CADPS2: variants seen among roughly 807,000 people sequenced by gnomAD.
CADPS2 encodes the protein calcium dependent secretion activator 2.
CADPS2 carries 93 observed loss-of-function variants against 172.5 expected under a neutral mutation model. The observed-to-expected ratio is 0.54, with a 90% CI of 0.46 to 0.64. CADPS2 has a LOEUF of 0.64. CADPS2 is among the 30% of genes least tolerant of loss of function. The pLI is 0.00. For missense variants in CADPS2, 1,420 were observed against 1,565.9 expected (o/e 0.91, Z 1.57); for synonymous variants, 546 against 555.2 (o/e 0.98, Z 0.23).
chr7:122,771,569 A>G (rs37903), intron 1 of CADPS2, among the ~76,000 whole-genome samples: 30,094 of 152,162 alleles, frequency 0.2, 3,714 homozygotes, highest in African/African-American at 0.35. Context: ...TAATTGAAAT[A>G]ATGTGCAATA....
At chr7:122,698,886 G>T (rs748492482) in intron 2 of CADPS2, 1 of 1,600,460 alleles carries the variant, frequency 6.2e-7, no homozygotes, top group Admixed American at 1.7e-5. Flanking sequence ...AGGCAGTGTT[G>T]TTTCTCCAAG....
chr7:122,505,408 T>C (rs1212918443), intron 9 of CADPS2, among the ~76,000 whole-genome samples: 2 of 152,192 alleles, frequency 1.3e-5, no homozygotes, highest in Non-Finnish European at 2.9e-5. Context: ...ATTTAACAAG[T>C]CTGAAGGTAC....
chr7:122,774,228 CTCT>C (rs1369894118), intron 1 of CADPS2, among the ~76,000 whole-genome samples: 1 of 150,686 alleles, frequency 6.6e-6, no homozygotes, highest in African/African-American at 2.4e-5. Flanking sequence ...TTATTCAAGT[CTCT>C]TCAACAACAA....
intron 25 of CADPS2, among the ~76,000 whole-genome samples, chr7:122,364,876 T>C (rs1585292480): frequency 1.3e-5 from 2 of 152,212 alleles, no homozygotes; most frequent in Admixed American, 6.5e-5. Flanking sequence ...TAACTGCACA[T>C]GACACAAGGC....
chr7:122,860,359 TG>T (rs1192557766), intron 1 of CADPS2, among the ~76,000 whole-genome samples: 4 of 152,132 alleles, frequency 2.6e-5, no homozygotes, highest in Non-Finnish European at 2.9e-5. Context: ...TCCAATTAGC[TG>T]GGTCTACAGG....
At chr7:122,374,684 G>GTA (rs1460827757) in intron 25 of CADPS2, among the ~76,000 whole-genome samples, 9 of 152,042 alleles carry the variant, frequency 5.9e-5, no homozygotes, top group Non-Finnish European at 1.2e-4. Context: ...GAGAAAACAT[G>GTA]GACACAGGGA....
chr7:122,843,320 A>T (rs1811092242), intron 1 of CADPS2, among the ~76,000 whole-genome samples: 1 of 152,212 alleles, frequency 6.6e-6, no homozygotes, highest in Non-Finnish European at 1.5e-5. Flanking sequence ...AGAAAGCTAC[A>T]GGACTTAATT....
At chr7:122,490,433 C>T (rs1047522656) in intron 10 of CADPS2, among the ~76,000 whole-genome samples, 152 bp from the exon 11 acceptor site, 3 of 152,000 alleles carry the variant, frequency 2.0e-5, no homozygotes, top group Non-Finnish European at 4.4e-5. Flanking sequence ...AATCCACAAT[C>T]AAAGATTTGA....
At chr7:122,334,693 G>A (rs1430616506) in intron 28 of CADPS2, among the ~76,000 whole-genome samples, 2 of 152,136 alleles carry the variant, frequency 1.3e-5, no homozygotes, top group Non-Finnish European at 2.9e-5. Flanking sequence ...ACTTGAAGCA[G>A]AGGGAGAAAT....
chr7:122,584,500 T>C (rs971429203), intron 6 of CADPS2, among the ~76,000 whole-genome samples: 8 of 151,984 alleles, frequency 5.3e-5, no homozygotes, highest in African/African-American at 1.9e-4. Flanking sequence ...ATCACTTTTA[T>C]TGTTCTTTTC....
chr7:122,631,302 T>C (rs1044096399), intron 3 of CADPS2, among the ~76,000 whole-genome samples: 1 of 152,162 alleles, frequency 6.6e-6, no homozygotes, highest in South Asian at 2.1e-4. Context: ...AAGGCCACAG[T>C]TTTTCAAACT....
chr7:122,704,460 A>G (rs891928048), intron 2 of CADPS2, among the ~76,000 whole-genome samples: 2 of 152,030 alleles, frequency 1.3e-5, no homozygotes, highest in African/African-American at 2.4e-5. Context: ...ATTAGAGGTA[A>G]TTTGTTAAAT....
At chr7:122,352,721 T>C (rs2038852982) in intron 27 of CADPS2, among the ~76,000 whole-genome samples, 1 of 152,156 alleles carries the variant, frequency 6.6e-6, no homozygotes, top group South Asian at 2.1e-4. Flanking sequence ...GGTGTGGTTA[T>C]CTAAGTAGTA....
At chr7:122,373,567 T>C (rs954883198) in intron 25 of CADPS2, among the ~76,000 whole-genome samples, 3 of 152,268 alleles carry the variant, frequency 2.0e-5, no homozygotes, top group African/African-American at 7.2e-5. Context: ...GGGTGAGTGA[T>C]CCAGGGCTTT....
chr7:122,827,809 C>T (rs1480825762), intron 1 of CADPS2, among the ~76,000 whole-genome samples: 1 of 151,942 alleles, frequency 6.6e-6, no homozygotes, highest in East Asian at 1.9e-4. Context: ...TCACTCATGT[C>T]TATAATTGCA....
rs559941212 is a variant in CADPS2, at chr7:122,359,336, T to A, written c.3504+1452A>T. Among the ~76,000 whole-genome samples, 3 of 152,202 alleles carry A rather than the reference T, an allele frequency of 2.0e-5. No individual in the cohort carries two copies. The East Asian group carries it at 5.8e-4, about 29-fold the overall frequency. On this transcript the variant is annotated intron_variant, in intron 27 of 29. Coordinates refer to ENST00000449022, the MANE Select transcript of CADPS2 (RefSeq NM_017954.11). ...AGTAGGCTGCCATATGGTCATCCTG[T>A]AACCACTGAAATAATTAAACAGCAC...
chr7:122,366,478 G>A (rs924365006), intron 25 of CADPS2, among the ~76,000 whole-genome samples: 11 of 149,904 alleles, frequency 7.3e-5, no homozygotes, highest in Middle Eastern at 3.5e-3. Context: ...GGTGGCGGGC[G>A]CCTGAAATCC....
At chr7:122,432,981 T>A (rs190262013) in intron 17 of CADPS2, among the ~76,000 whole-genome samples, 1 of 152,010 alleles carries the variant, frequency 6.6e-6, no homozygotes, top group Non-Finnish European at 1.5e-5. Flanking sequence ...ATATATATAA[T>A]ATATTTTTTG....
intron 2 of CADPS2, among the ~76,000 whole-genome samples, chr7:122,668,000 C>T (rs1000440691): frequency 2.0e-5 from 3 of 151,924 alleles, no homozygotes; most frequent in African/African-American, 4.8e-5. Context: ...AGCCAAGGTG[C>T]TAAAATGGTT....
Sources: allele counts gnomAD v4.1 joint callset (sites outside exome capture counted in the v4.1 genomes callset), GRCh38; gene constraint gnomAD v4.1.1; transcripts MANE v1.5; gene names NCBI Gene and HGNC (gene_info 2026-07-23, HGNC 2026-07-21).